Variants in PCTP observed in about 807,000 individuals in gnomAD.
PCTP encodes the protein phosphatidylcholine transfer protein.
Under a neutral mutation model 31.0 loss-of-function variants are expected in PCTP, and 27 were observed. The ratio of observed to expected loss-of-function variants is 0.87; its 90% CI spans 0.64 to 1.20. The LOEUF is 1.20. Among genes scored for constraint, PCTP ranks in the 50% most tolerant of loss-of-function variants. The pLI is 0.00. For synonymous variants in PCTP, 108 were observed against 101.2 expected (o/e 1.07, Z -0.40); for missense variants, 287 against 268.2 (o/e 1.07, Z -0.49).
At chr17:55,833,604 A>C (rs1905677478) in intron 5 of PCTP, among the ~76,000 whole-genome samples, 1 of 152,218 alleles carries the variant, frequency 6.6e-6, no homozygotes, top group Admixed American at 6.5e-5. Context: ...GGGAATTGTT[A>C]GAAAGGCAAA....
chr17:55,819,253 G>C (rs1317367521), intron 3 of PCTP, among the ~76,000 whole-genome samples: 1 of 152,048 alleles, frequency 6.6e-6, no homozygotes, highest in African/African-American at 2.4e-5. Context: ...ATAAGACCAA[G>C]GTGTCTGCTC....
At chr17:55,756,555 G>A (rs1910027551) in intron 1 of PCTP, among the ~76,000 whole-genome samples, 2 of 152,140 alleles carry the variant, frequency 1.3e-5, no homozygotes, top group East Asian at 1.9e-4. Context: ...CCTACCTTAG[G>A]GATTCAGGTT....
intron 3 of PCTP, among the ~76,000 whole-genome samples, chr17:55,804,969 G>T (rs996659885): frequency 1.3e-5 from 2 of 151,886 alleles, no homozygotes; most frequent in South Asian, 2.1e-4. Flanking sequence ...AGCAGTAAAG[G>T]GGTCAATTCA....
chr17:55,760,443 A>C (rs914207952), intron 1 of PCTP, among the ~76,000 whole-genome samples: 2 of 152,200 alleles, frequency 1.3e-5, no homozygotes, highest in Non-Finnish European at 2.9e-5. Flanking sequence ...AATCCTCATA[A>C]TCATTCCATG....
intron 5 of PCTP, chr17:55,775,370 G>C: frequency 8.1e-7 from 1 of 1,232,210 alleles, no homozygotes; most frequent in South Asian, 4.1e-5. Flanking sequence ...TGGCATTATG[G>C]GGACCATCAG....
chr17:55,775,944 A>G, intron 5 of PCTP, 91 bp from the exon 6 acceptor site: 1 of 1,550,374 alleles, frequency 6.5e-7, no homozygotes, highest in South Asian at 1.2e-5. Context: ...GTTCGTCCTA[A>G]AGCCAACATT....
chr17:55,842,477 A>T (rs1906014447), intron 5 of PCTP, among the ~76,000 whole-genome samples: 1 of 152,198 alleles, frequency 6.6e-6, no homozygotes, highest in East Asian at 1.9e-4. Flanking sequence ...CCAGATCCTA[A>T]GTTAATCAGA....
chr17:55,779,650 T>C (rs114100032), downstream of PCTP, among the ~76,000 whole-genome samples: 1 of 152,188 alleles, frequency 6.6e-6, no homozygotes, highest in Non-Finnish European at 1.5e-5. Flanking sequence ...AGGAGTGACC[T>C]AAAAATATGT....
chr17:55,830,314 T>C (rs1905553972), intron 5 of PCTP, among the ~76,000 whole-genome samples: 1 of 152,192 alleles, frequency 6.6e-6, no homozygotes, highest in Non-Finnish European at 1.5e-5. Context: ...CACATTGTTA[T>C]CTGTTTTGTT....
At chr17:55,844,628 C>T (rs1394916937), downstream of PCTP, among the ~76,000 whole-genome samples, 1 of 152,048 alleles carries the variant, frequency 6.6e-6, no homozygotes, top group Admixed American at 6.6e-5. Flanking sequence ...TTTAGGTTCT[C>T]CCTGACATTC....
intron 3 of PCTP, among the ~76,000 whole-genome samples, chr17:55,818,674 C>T (rs1479934034): frequency 6.6e-6 from 1 of 152,194 alleles, no homozygotes; most frequent in African/African-American, 2.4e-5. Flanking sequence ...GGAAATTCTT[C>T]TGTCTGGAAA....
intron 2 of PCTP, among the ~76,000 whole-genome samples, chr17:55,783,982 A>G (rs967277000): frequency 6.6e-6 from 1 of 152,028 alleles, no homozygotes; most frequent in Admixed American, 6.6e-5. Flanking sequence ...ATTCTGTTCC[A>G]CTAACTTATA....
chr17:55,778,848 T>C (rs1262028553), downstream of PCTP, among the ~76,000 whole-genome samples: 2 of 152,178 alleles, frequency 1.3e-5, no homozygotes, highest in Non-Finnish European at 2.9e-5. Flanking sequence ...AGGCAAATTA[T>C]TCACACTGCA....
In PCTP at chr17:55,809,582, G is replaced by T. The variant is rs190167988; in HGVS notation, c.318-13179G>T. 5.1e-3 allele frequency among the ~76,000 whole-genome samples: 775 copies of T among 151,578 alleles called. 3 individuals carry two copies. The highest frequency in any genetic ancestry group is 0.018 in the African/African-American group (751 of 41,220). The stretch of plus-strand genomic sequence containing the variant: ...CTGTCACCCAGGCTGGAGTGCAATG[G>T]CGCGATCTCAACTCACTGCAACCTC... On this transcript the variant is annotated intron_variant, in intron 3 of 3. Coordinates refer to the PCTP transcript ENST00000572536.
intron 5 of PCTP, chr17:55,775,380 G>A (rs1409624092): frequency 6.5e-6 from 8 of 1,231,940 alleles, no homozygotes; most frequent in African/African-American, 1.6e-5. Flanking sequence ...GGGACCATCA[G>A]CCTGCTTTGC....
At chr17:55,804,672 A>C (rs1325472551) in intron 3 of PCTP, among the ~76,000 whole-genome samples, 1 of 152,130 alleles carries the variant, frequency 6.6e-6, no homozygotes, top group African/African-American at 2.4e-5. Context: ...ATGAGAACAC[A>C]TGGGCATAGG....
chr17:55,754,843 G>A (rs915749806), intron 1 of PCTP, among the ~76,000 whole-genome samples: 11 of 152,112 alleles, frequency 7.2e-5, no homozygotes, highest in African/African-American at 1.2e-4. Flanking sequence ...CTGTGTGCGC[G>A]CGTGTGTGTA....
At chr17:55,843,724 G>T (rs1906059079), downstream of PCTP, among the ~76,000 whole-genome samples, 1 of 152,114 alleles carries the variant, frequency 6.6e-6, no homozygotes, top group Non-Finnish European at 1.5e-5. Flanking sequence ...TTATGCCAAA[G>T]ACTAAGAATT....
In PCTP at chr17:55,771,251, C is replaced by G. The variant is rs1910992150; in HGVS notation, c.339+66C>G. On this transcript the variant is annotated intron_variant, in intron 3 of 5. Transcript: ENST00000268896. ...TGTTTCTGTGTTCCTCAGCTGCAGT[C>G]TATTGCAGAGAGGTAGAGCTGGTTT... 4 of 1,237,712 alleles carry G rather than the reference C, an allele frequency of 3.2e-6. No homozygotes were observed. The Admixed American group carries it at 6.8e-5, about 21-fold the overall frequency. The allele number at this position is 1,237,712 out of a possible 1,614,324, so 76.7% of individuals were successfully genotyped here. A position where few individuals can be genotyped will look rare whatever the true frequency, so the allele number is the denominator to read the frequency against.
Sources: gnomAD v4.1 joint callset for allele counts (sites outside exome capture counted in the v4.1 genomes callset) on GRCh38, gnomAD v4.1.1 for gene constraint, MANE v1.5 for transcripts, NCBI Gene and HGNC (gene_info 2026-07-23, HGNC 2026-07-21) for gene names.